Variants in ZNF385D observed in about 807,000 individuals in gnomAD.
ZNF385D encodes zinc finger protein 385D, also known as zinc finger protein 659.
A neutral mutation model predicts 35.8 loss-of-function variants in ZNF385D; 15 were observed. The observed-to-expected ratio is 0.42, with a 90% CI of 0.28 to 0.64. ZNF385D has a LOEUF of 0.64. Among genes scored for constraint, ZNF385D ranks in the 30% least tolerant of loss-of-function variants. The pLI is 0.23. For missense variants in ZNF385D, 474 were observed against 494.6 expected (o/e 0.96, Z 0.39); for synonymous variants, 212 against 186.8 (o/e 1.13, Z -1.10).
intron 3 of ZNF385D, among the ~76,000 whole-genome samples, chr3:21,894,066 T>TA (rs1699012207): frequency 1.3e-5 from 2 of 152,180 alleles, no homozygotes; most frequent in East Asian, 3.8e-4. Context: ...GGCAGTTAGA[T>TA]ACATGTTTTC....
intron 2 of ZNF385D, among the ~76,000 whole-genome samples, chr3:22,347,411 T>C (rs911158796): frequency 1.3e-5 from 2 of 152,184 alleles, no homozygotes; most frequent in African/African-American, 4.8e-5. Context: ...TCTCTCCCAG[T>C]ATCATAATAG....
chr3:22,230,670 C>A (rs1420171666), intron 2 of ZNF385D, among the ~76,000 whole-genome samples: 1 of 152,148 alleles, frequency 6.6e-6, no homozygotes, highest in Non-Finnish European at 1.5e-5. Context: ...GAGGGAATCA[C>A]TTAGAGTACA....
At position 21,869,741 on chromosome 3, in the gene ZNF385D, A is replaced by G. The variant is rs115292778; in HGVS notation, c.326-204713T>C. Among the ~76,000 whole-genome samples the G allele has an allele frequency of 6.1e-3, 933 of 152,260 alleles. 14 individuals are homozygous for G. Among genetic ancestry groups the G allele is most frequent in the African/African-American group, 0.021 (876 of 41,564 alleles). On this transcript the variant is annotated intron_variant, in intron 3 of 5. Transcript: ENST00000494108. ...CTGTATTAATTAGTTAATGCCACCT[A>G]TTTGGAGTACAGATTAGAATCTTAT...
At chr3:22,291,359 T>C (rs1313193103) in intron 2 of ZNF385D, among the ~76,000 whole-genome samples, 1 of 152,134 alleles carries the variant, frequency 6.6e-6, no homozygotes, top group Non-Finnish European at 1.5e-5. Context: ...CTATGAGTTC[T>C]TGTGCTTTAA....
intron 2 of ZNF385D, among the ~76,000 whole-genome samples, chr3:22,332,506 T>A (rs1694985139): frequency 6.6e-6 from 1 of 152,176 alleles, no homozygotes; most frequent in Non-Finnish European, 1.5e-5. Context: ...GTAATCAGGC[T>A]TTAATATAAA....
At chr3:21,873,316 G>C (rs1392799973) in intron 3 of ZNF385D, among the ~76,000 whole-genome samples, 2 of 152,038 alleles carry the variant, frequency 1.3e-5, no homozygotes, top group South Asian at 2.1e-4. Flanking sequence ...TATTTTTAAA[G>C]TTAGTTTACA....
chr3:21,790,014 G>A (rs907692430), intron 3 of ZNF385D, among the ~76,000 whole-genome samples: 2 of 152,126 alleles, frequency 1.3e-5, no homozygotes, highest in African/African-American at 4.8e-5. Context: ...AGATGTACAT[G>A]AAATCTTCAG....
intron 4 of ZNF385D, among the ~76,000 whole-genome samples, chr3:21,480,885 T>G (rs1176685286): frequency 6.6e-6 from 1 of 152,248 alleles, no homozygotes; most frequent in Non-Finnish European, 1.5e-5. Flanking sequence ...ACAGCATCAG[T>G]AACTGTCATT....
intron 3 of ZNF385D, among the ~76,000 whole-genome samples, chr3:21,769,605 G>A (rs1318303711): frequency 1.9e-5 from 2 of 103,532 alleles, no homozygotes; most frequent in African/African-American, 4.3e-5. Context: ...ACAAATGGAA[G>A]AACATTCCAT....
chr3:21,958,844 G>A (rs1364693876), intron 3 of ZNF385D: 2 of 152,060 alleles, frequency 1.3e-5, no homozygotes, highest in Non-Finnish European at 2.9e-5. Flanking sequence ...CCATCTACAA[G>A]TATATTTTTT....
intron 3 of ZNF385D, among the ~76,000 whole-genome samples, chr3:21,563,652 G>A (rs982621801): frequency 1.3e-5 from 2 of 152,160 alleles, no homozygotes; most frequent in Non-Finnish European, 2.9e-5. Context: ...ACGTTGTCCA[G>A]AATTCAGATC....
chr3:21,930,610 T>C (rs934957701), intron 3 of ZNF385D, among the ~76,000 whole-genome samples: 4 of 152,106 alleles, frequency 2.6e-5, no homozygotes, highest in South Asian at 2.1e-4. Context: ...ATAATCAAGG[T>C]AGTATGACAA....
chr3:22,144,569 T>A (rs1704725268), intron 3 of ZNF385D, among the ~76,000 whole-genome samples: 1 of 58,202 alleles, frequency 1.7e-5, no homozygotes, highest in African/African-American at 8.1e-5. Context: ...TGAGACTCCA[T>A]TTCAAAAAAA....
Position 21,740,642 on chromosome 3 carries a change from T to C in ZNF385D, c.22+10253A>G, listed in dbSNP as rs562153818. ...CAGGCCCACACGTCATGCCATACAC[T>C]GATTTCCGTGAGAGGAGACAATGTG... On this transcript the variant is annotated intron_variant, in intron 1 of 7. Coordinates refer to ENST00000281523, the MANE Select transcript of ZNF385D (RefSeq NM_024697.3). Among the ~76,000 whole-genome samples the C allele has an allele frequency of 2.0e-5, 3 of 152,240 alleles. No individual in the cohort carries two copies. In the South Asian group the frequency reaches 6.2e-4, roughly 32 times the overall value.
intron 3 of ZNF385D, among the ~76,000 whole-genome samples, chr3:22,065,457 G>C (rs915283469): frequency 1.3e-5 from 2 of 152,054 alleles, no homozygotes; most frequent in Non-Finnish European, 2.9e-5. Context: ...ACAATGGCAG[G>C]GTAGGGGCAA....
At chr3:21,757,781 C>A (rs569668336) in intron 3 of ZNF385D, among the ~76,000 whole-genome samples, 1 of 152,164 alleles carries the variant, frequency 6.6e-6, no homozygotes, top group Admixed American at 6.5e-5. Flanking sequence ...TCAACTCATT[C>A]ATTCACTGGT....
intron 2 of ZNF385D, among the ~76,000 whole-genome samples, chr3:22,281,881 T>G (rs1205516617): frequency 7.1e-6 from 1 of 139,906 alleles, no homozygotes; most frequent in Non-Finnish European, 1.6e-5. Flanking sequence ...ACATTTTTTG[T>G]TGGTGGTGGT....
intron 3 of ZNF385D, among the ~76,000 whole-genome samples, chr3:22,061,655 G>A (rs1699692901): frequency 6.6e-6 from 1 of 152,144 alleles, no homozygotes; most frequent in East Asian, 1.9e-4. Flanking sequence ...TACAATGAGT[G>A]TCGATTCTAG....
intron 2 of ZNF385D, among the ~76,000 whole-genome samples, chr3:22,246,705 A>G (rs1299460445): frequency 6.6e-6 from 1 of 152,076 alleles, no homozygotes; most frequent in Non-Finnish European, 1.5e-5. Context: ...AGATTATTGC[A>G]TTTTTTATTC....
Sources: gnomAD v4.1 joint callset for allele counts (sites outside exome capture counted in the v4.1 genomes callset) on GRCh38, gnomAD v4.1.1 for gene constraint, MANE v1.5 for transcripts, NCBI Gene and HGNC (gene_info 2026-07-23, HGNC 2026-07-21) for gene names.